The following CPEB3 variants were observed in gnomAD, a reference collection of about 807,000 sequenced individuals.
CPEB3 encodes the protein cytoplasmic polyadenylation element-binding protein 3.
A neutral mutation model predicts 67.2 loss-of-function variants in CPEB3; 20 were observed. The ratio of observed to expected loss-of-function variants is 0.30; its 90% CI spans 0.21 to 0.43. CPEB3 has a LOEUF of 0.43. CPEB3 is among the 20% of genes least tolerant of loss of function. CPEB3 has a pLI of 1.00. For synonymous variants in CPEB3, 376 were observed against 393.1 expected (o/e 0.96, Z 0.51); for missense variants, 746 against 968.6 (o/e 0.77, Z 3.05).
At chr10:92,098,014 A>C (rs2133360108) in intron 7 of CPEB3, among the ~76,000 whole-genome samples, 1 of 151,688 alleles carries the variant, frequency 6.6e-6, no homozygotes, top group South Asian at 2.1e-4. Flanking sequence ...ATACAGAATC[A>C]GTCAGGCATG....
intron 2 of CPEB3, among the ~76,000 whole-genome samples, chr10:92,236,939 T>C (rs1851567141): frequency 6.6e-6 from 1 of 152,096 alleles, no homozygotes; most frequent in Non-Finnish European, 1.5e-5. Context: ...TATTAATAGC[T>C]CAAAAATCTG....
At chr10:92,289,188 G>A (rs1036427885) in intron 1 of CPEB3, among the ~76,000 whole-genome samples, 7 of 152,126 alleles carry the variant, frequency 4.6e-5, no homozygotes, top group African/African-American at 1.2e-4. Context: ...ACTGCAGTGA[G>A]CCAAGATAGT....
At chr10:92,078,970 G>A (rs141217826) in intron 9 of CPEB3, among the ~76,000 whole-genome samples, 546 of 152,234 alleles carry the variant, frequency 3.6e-3, no homozygotes, top group African/African-American at 0.012. Flanking sequence ...GCAAAGGGAA[G>A]GTAGAAACAT....
chr10:92,181,538 T>C (rs981618413), intron 3 of CPEB3, among the ~76,000 whole-genome samples: 3 of 152,080 alleles, frequency 2.0e-5, no homozygotes, highest in African/African-American at 7.2e-5. Flanking sequence ...GGGAAAATGA[T>C]TGGCCTAAAA....
chr10:92,185,241 T>C (rs1376246230), intron 3 of CPEB3, among the ~76,000 whole-genome samples: 1 of 152,196 alleles, frequency 6.6e-6, no homozygotes, highest in African/African-American at 2.4e-5. Context: ...ATCTTTTAAG[T>C]ATAGTGTAAA....
intron 7 of CPEB3, among the ~76,000 whole-genome samples, chr10:92,104,368 T>C (rs912895124): frequency 1.3e-5 from 2 of 149,114 alleles, no homozygotes; most frequent in East Asian, 2.0e-4. Flanking sequence ...TTTAGTACAA[T>C]GGAAATGCAA....
intron 6 of CPEB3, among the ~76,000 whole-genome samples, chr10:92,119,764 G>C (rs1845244248): frequency 6.6e-6 from 1 of 152,034 alleles, no homozygotes; most frequent in Non-Finnish European, 1.5e-5. Flanking sequence ...TGACACAAGA[G>C]GAAGATCCAG....
Position 92,094,778 on chromosome 10 carries a change from TCC to T in CPEB3, c.1573-2836_1573-2835del, listed in dbSNP as rs1018884263. Among the ~76,000 whole-genome samples, 40 of 151,374 alleles carry T rather than the reference TCC, an allele frequency of 2.6e-4. No homozygotes were observed. In the East Asian group the frequency reaches 5.2e-3, roughly 20 times the overall value. The stretch of plus-strand genomic sequence containing the variant: ...TTTTTTCATTTAATACACAATAATT[TCC>T]TGACACTGTGAGAACAAAGATTCTA... On this transcript the variant is annotated intron_variant, in intron 7 of 9. Transcript: ENST00000265997.
At chr10:92,233,713 T>C (rs932657908) in intron 2 of CPEB3, among the ~76,000 whole-genome samples, 4 of 152,150 alleles carry the variant, frequency 2.6e-5, no homozygotes, top group Admixed American at 2.0e-4. Flanking sequence ...TCCTCAGTTA[T>C]TGATAACCCA....
chr10:92,224,804 C>T (rs1021092370), intron 2 of CPEB3, among the ~76,000 whole-genome samples: 1 of 150,870 alleles, frequency 6.6e-6, no homozygotes, highest in Admixed American at 6.6e-5. Flanking sequence ...TATGATCATG[C>T]CACTGTGCTC....
At chr10:92,253,882 T>C (rs1852411129) in intron 1 of CPEB3, among the ~76,000 whole-genome samples, 1 of 152,148 alleles carries the variant, frequency 6.6e-6, no homozygotes, top group Admixed American at 6.6e-5. Context: ...GGGTTCCCTA[T>C]GTGCCAGGCT....
At chr10:92,079,095 C>T (rs1283478495) in intron 9 of CPEB3, among the ~76,000 whole-genome samples, 3 of 152,006 alleles carry the variant, frequency 2.0e-5, no homozygotes, top group Admixed American at 6.6e-5. Context: ...AAATAAGAAC[C>T]CAAAGCTCTT....
At chr10:92,151,427 G>T (rs1227481663) in intron 4 of CPEB3, among the ~76,000 whole-genome samples, 1 of 152,180 alleles carries the variant, frequency 6.6e-6, no homozygotes, top group African/African-American at 2.4e-5. Context: ...TTCCCTAGAA[G>T]TCAAGATAGG....
intron 5 of CPEB3, 26 bp from the exon 6 acceptor site, chr10:92,143,144 CA>C: frequency 6.4e-7 from 1 of 1,556,394 alleles, no homozygotes; most frequent in Non-Finnish European, 8.8e-7. Context: ...AGAATCTTAG[CA>C]AAAGAGAAAA....
At position 92,050,163 on chromosome 10, in the gene CPEB3, C is replaced by G. The variant is rs1841852725; in HGVS notation, c.*2049G>C. The G allele has an allele frequency of 6.6e-6, 1 of 151,370 alleles. No homozygotes were observed. Among genetic ancestry groups the G allele is most frequent in the African/African-American group, 2.4e-5 (1 of 41,112 alleles). 9.4% of individuals were successfully genotyped at this position (151,370 alleles called of 1,614,324 possible). On this transcript the variant is annotated 3_prime_UTR_variant, in exon 10 of 10. Transcript: ENST00000265997. Reference sequence around the variant, plus strand: ...TCTTGTACAGATGAAAAAAAACCCACAAACATAGAAAAAAACAAACAAAAC... The same window carrying G: ...TCTTGTACAGATGAAAAAAAACCCAGAAACATAGAAAAAAACAAACAAAAC...
At chr10:92,157,977 C>T (rs926956359) in intron 4 of CPEB3, among the ~76,000 whole-genome samples, 1 of 151,712 alleles carries the variant, frequency 6.6e-6, no homozygotes, top group Non-Finnish European at 1.5e-5. Flanking sequence ...TAAATACACA[C>T]ACACATAAAC....
chr10:92,196,742 G>A (rs976852627), intron 2 of CPEB3, among the ~76,000 whole-genome samples: 1 of 150,808 alleles, frequency 6.6e-6, no homozygotes, highest in African/African-American at 2.5e-5. Context: ...CACTCAGCCT[G>A]GGCGACAGAG....
rs200936666 is a variant in CPEB3 at position 92,048,385 on chromosome 10, T to TCACACA, written c.*3826_*3827insTGTGTG. The TCACACA allele has an allele frequency of 0.22, 26,186 of 119,258 alleles. 2,664 individuals are homozygous for TCACACA. Among genetic ancestry groups the TCACACA allele is most frequent in the African/African-American group, 0.36 (10,615 of 29,782 alleles). The allele number at this position is 119,258 out of a possible 1,614,324, so 7.4% of individuals were successfully genotyped here. On this transcript the variant is annotated 3_prime_UTR_variant, in exon 10 of 10. Coordinates refer to ENST00000265997, the MANE Select transcript of CPEB3 (RefSeq NM_014912.5). This position sits in a 1 kb window ranked among gnomAD's most constrained non-coding sequence, Gnocchi z 4.1. ...TTTTCTCTCTCTCTCTCTCTCTCTC[T>TCACACA]CTCACACACACACACACACACACGA...
rs186798233 is a variant in CPEB3, at chr10:92,272,043, G to A, written c.-12+18883C>T. On this transcript the variant is annotated intron_variant, in intron 1 of 9. Coordinates refer to ENST00000265997, the MANE Select transcript of CPEB3 (RefSeq NM_014912.5). ...TAATGGATTCATATTTATTCTATTC[G>A]TTATAATTCATTACTATTATTATTT... is the stretch of plus-strand genomic sequence containing the variant. 141 of 151,822 alleles carry A rather than the reference G, an allele frequency of 9.3e-4. 4 individuals are homozygous for A. Among genetic ancestry groups the A allele is most frequent in the African/African-American group, 2.8e-3 (115 of 41,418 alleles). The allele number at this position is 151,822 out of a possible 1,614,324, so 9.4% of individuals were successfully genotyped here. A position where few individuals can be genotyped will look rare whatever the true frequency, so the allele number is the denominator to read the frequency against.
Sources: gnomAD v4.1 joint callset for allele counts (sites outside exome capture counted in the v4.1 genomes callset) on GRCh38, gnomAD v4.1.1 for gene constraint, Gnocchi (gnomAD v3.1) non-coding constraint, MANE v1.5 for transcripts, NCBI Gene and HGNC (gene_info 2026-07-23, HGNC 2026-07-21) for gene names.